GREB1: variants seen among roughly 807,000 people sequenced by gnomAD.
The protein encoded by GREB1 is growth regulating estrogen receptor binding 1.
In GREB1, 106 loss-of-function variants were observed where a neutral mutation model predicts 200.7. The observed-to-expected ratio is 0.53, with a 90% CI of 0.45 to 0.62. The LOEUF is 0.62. Ranked by LOEUF, GREB1 falls within the 20% of genes least tolerant of loss-of-function variation. The pLI, the probability that GREB1 is intolerant of heterozygous loss-of-function variation, is 0.00. For synonymous variants in GREB1, 1,132 were observed against 1,092.4 expected, an observed-to-expected ratio of 1.04 and a Z score of -0.72; for missense variants, 2,243 against 2,556.8, an observed-to-expected ratio of 0.88 and a Z score of 2.65.
chr2:11,523,080 A>C (rs1673756336), intron 1 of GREB1, among the ~76,000 whole-genome samples: 1 of 152,226 alleles, frequency 6.6e-6, no homozygotes, highest in Non-Finnish European at 1.5e-5. Context: ...TTTTGCAGGA[A>C]CATGGATAGA....
At chr2:11,564,739 G>T (rs933826329) in intron 3 of GREB1, among the ~76,000 whole-genome samples, 2 of 152,180 alleles carry the variant, frequency 1.3e-5, no homozygotes, top group Admixed American at 1.3e-4. Flanking sequence ...CCAAGCCAAT[G>T]CAAGGAACTG....
chr2:11,562,600 C>A lies in GREB1; in HGVS notation c.277+18C>A. On this transcript the variant is annotated intron_variant, in intron 3 of 32. Transcript: ENST00000381486. ...CACAGACGGTGAGCCTCTGCCAGCT[C>A]CTGGCCAGGCAGTGCCTGCCATGCT... 1 of 1,559,604 alleles carries A rather than the reference C, an allele frequency of 6.4e-7. No individual in the cohort carries two copies. Among genetic ancestry groups the A allele is most frequent in the Non-Finnish European group, 8.7e-7 (1 of 1,154,234 alleles).
In GREB1 at chr2:11,597,698, G is replaced by A. The variant is rs1421254282; in HGVS notation, c.1955-83G>A. ...TGAATGGGGCCGTCTCCCCTGGACA[G>A]GTCTCACTGATTCTCTGGCCAAGGG... On this transcript the variant is annotated intron_variant, in intron 13 of 32. Transcript: ENST00000381486. The surrounding 1 kb of genome is among the most constrained non-coding windows in gnomAD (Gnocchi z 4.1). 8.2e-7 allele frequency: 1 copy of A among 1,213,142 alleles called. No homozygotes were observed. Among genetic ancestry groups the A allele is most frequent in the Non-Finnish European group, 1.2e-6 (1 of 817,160 alleles). 75.1% of individuals were successfully genotyped at this position (1,213,142 alleles called of 1,614,324 possible).
chr2:11,585,719 T>A (rs764936891), intron 8 of GREB1, 43 bp from the exon 9 acceptor site: 1 of 1,609,510 alleles, frequency 6.2e-7, no homozygotes, highest in Non-Finnish European at 8.5e-7. Context: ...GAGAGGTGGA[T>A]GCCTTGTCTG....
At chr2:11,571,659 CA>C (rs1678303283) in intron 4 of GREB1, among the ~76,000 whole-genome samples, 1 of 152,204 alleles carries the variant, frequency 6.6e-6, no homozygotes, top group African/African-American at 2.4e-5. Flanking sequence ...TTCTTCCTAA[CA>C]GGGACCATTT....
chr2:11,571,158 C>T (rs1678234693), intron 4 of GREB1, among the ~76,000 whole-genome samples: 1 of 152,002 alleles, frequency 6.6e-6, no homozygotes. Context: ...ATTAATATGG[C>T]ACACAATGAG....
chr2:11,489,797 A>G (rs999149453), intron 1 of GREB1, among the ~76,000 whole-genome samples: 1 of 151,934 alleles, frequency 6.6e-6, no homozygotes, highest in Non-Finnish European at 1.5e-5. Flanking sequence ...GTGAATTGCC[A>G]CTCTCTTTAC....
chr2:11,490,317 C>T (rs1317369871), intron 1 of GREB1, among the ~76,000 whole-genome samples: 1 of 152,148 alleles, frequency 6.6e-6, no homozygotes, highest in African/African-American at 2.4e-5. Flanking sequence ...AATATGTGGA[C>T]TTTTGTGTCG....
chr2:11,614,314 A>C (rs568672866), intron 19 of GREB1, among the ~76,000 whole-genome samples: 1 of 151,616 alleles, frequency 6.6e-6, no homozygotes, highest in Non-Finnish European at 1.5e-5. Flanking sequence ...TTTAGTAGAG[A>C]TGGGGTTTTG....
intron 26 of GREB1, among the ~76,000 whole-genome samples, chr2:11,630,713 AGT>A (rs1684809928): frequency 6.6e-6 from 1 of 152,330 alleles, no homozygotes; most frequent in South Asian, 2.1e-4. Flanking sequence ...TAGATATTTC[AGT>A]GTGTCTCTCT....
chr2:11,584,980 T>C, intron 7 of GREB1, 181 bp from the exon 8 acceptor site: 1 of 486,622 alleles, frequency 2.1e-6, no homozygotes, highest in Middle Eastern at 3.2e-4. Flanking sequence ...GAATGAAACA[T>C]TTACAAAAAT....
chr2:11,499,458 G>A (rs1672971867), intron 1 of GREB1, among the ~76,000 whole-genome samples: 1 of 152,254 alleles, frequency 6.6e-6, no homozygotes, highest in Admixed American at 6.5e-5. Flanking sequence ...GACTGTGTAA[G>A]GGGTCTCTCT....
At chr2:11,558,768 T>A (rs1015680363) in intron 2 of GREB1, among the ~76,000 whole-genome samples, 3 of 152,228 alleles carry the variant, frequency 2.0e-5, no homozygotes, top group African/African-American at 7.2e-5. Context: ...GGGTTTCTTA[T>A]CTCATTGCTG....
At chr2:11,587,137 C>T (rs1680191949) in intron 9 of GREB1, among the ~76,000 whole-genome samples, 1 of 152,188 alleles carries the variant, frequency 6.6e-6, no homozygotes. Context: ...TCTGCTCCCT[C>T]CGCTGCCTCT....
chr2:11,505,771 C>T (rs1403331698), intron 1 of GREB1, among the ~76,000 whole-genome samples: 1 of 151,976 alleles, frequency 6.6e-6, no homozygotes, highest in African/African-American at 2.4e-5. Flanking sequence ...TGCTTGAGCC[C>T]AGGAGAACGA....
In GREB1 at chr2:11,612,572, C is replaced by T. The variant is rs1199719344; in HGVS notation, c.3084C>T (p.Ile1028=). Residue 1028 remains isoleucine, a synonymous_variant, in exon 19 of 33, where the codon ATC becomes ATT. Coordinates refer to ENST00000381486, the MANE Select transcript of GREB1 (RefSeq NM_014668.4). ...TGGAGGGTCTGCCTTGCATCCTGAT[C>T]TTCAGTGGGATGGACCCGCATGGGG... is the stretch of plus-strand genomic sequence containing the variant. ...LELEGLPCIL[I]FSGMDPHGES... 4 of 1,612,540 alleles carry T rather than the reference C, an allele frequency of 2.5e-6. No individual in the cohort carries two copies. In the East Asian group the frequency reaches 8.9e-5, roughly 36 times the overall value.
intron 27 of GREB1, 144 bp from the exon 28 acceptor site, chr2:11,632,745 G>T (rs1264512935): frequency 3.1e-6 from 2 of 648,612 alleles, no homozygotes; most frequent in East Asian, 2.7e-5. Context: ...TAGCCCATGG[G>T]CTGTGTTTTG....
At chr2:11,594,132 G>A (rs13009660) in intron 11 of GREB1, among the ~76,000 whole-genome samples, 21,932 of 151,830 alleles carry the variant, frequency 0.14, 1,757 homozygotes, top group African/African-American at 0.2. Context: ...GCCTCCATCC[G>A]GAGTAGCTGG....
At chr2:11,639,690 C>T (rs1302302014) in intron 32 of GREB1, among the ~76,000 whole-genome samples, 1 of 152,214 alleles carries the variant, frequency 6.6e-6, no homozygotes, top group South Asian at 2.1e-4. Flanking sequence ...GAATGAGCAC[C>T]AGCAGCATCT....
Sources: gnomAD v4.1 joint callset for allele counts (sites outside exome capture counted in the v4.1 genomes callset) on GRCh38, gnomAD v4.1.1 for gene constraint, Gnocchi (gnomAD v3.1) non-coding constraint, MANE v1.5 for transcripts, NCBI Gene and HGNC (gene_info 2026-07-23, HGNC 2026-07-21) for gene names.